The following FBXO42 variants were observed in gnomAD, a reference collection of about 807,000 sequenced individuals.
The protein encoded by FBXO42 is F-box only protein 42.
In FBXO42, 12 loss-of-function variants were observed where a neutral mutation model predicts 71.7. That is an observed-to-expected ratio of 0.17 (90% CI 0.11 to 0.27). The LOEUF (loss-of-function observed/expected upper bound fraction) is 0.27, where lower values mean the gene tolerates loss of function less well. FBXO42 is among the 10% of genes least tolerant of loss of function. FBXO42 has a pLI of 1.00. For synonymous variants in FBXO42, 325 were observed against 327.5 expected (o/e 0.99, Z 0.08); for missense variants, 707 against 911.9 (o/e 0.78, Z 2.89).
chr1:16,320,530 G>T (rs1240707012), intron 1 of FBXO42, among the ~76,000 whole-genome samples: 3 of 151,532 alleles, frequency 2.0e-5, no homozygotes, highest in Non-Finnish European at 4.4e-5. Flanking sequence ...TTGAGATAGG[G>T]TCTCACTCTG....
intron 3 of FBXO42, among the ~76,000 whole-genome samples, chr1:16,304,941 C>T (rs1167013585): frequency 2.0e-5 from 3 of 151,950 alleles, no homozygotes; most frequent in African/African-American, 4.8e-5. Context: ...TGCAATCCAC[C>T]CTGGGCAACA....
At chr1:16,270,751 T>TACACAC (rs58610558) in intron 4 of FBXO42, among the ~76,000 whole-genome samples, 1,664 of 110,964 alleles carry the variant, frequency 0.015, 14 homozygotes, top group Middle Eastern at 0.061. Context: ...TACCATGAGA[T>TACACAC]ACACACACAC....
chr1:16,323,644 G>A (rs554208481), intron 1 of FBXO42, among the ~76,000 whole-genome samples: 1 of 151,490 alleles, frequency 6.6e-6, no homozygotes, highest in South Asian at 2.1e-4. Context: ...ACAAAAATTA[G>A]CCAGGCGTGG....
rs2081539470 is a variant in FBXO42 at position 16,246,870 on chromosome 1, T to C, written c.*3800A>G. ...ACAATTGTCCATTTTATTTGTTAAA[T>C]TGCTAAAAAGTCATCAGGGGAAAAC... On this transcript the variant is annotated 3_prime_UTR_variant, in exon 10 of 10. Coordinates refer to ENST00000375592, the MANE Select transcript of FBXO42 (RefSeq NM_018994.3). The C allele has an allele frequency of 6.6e-6, 1 of 152,186 alleles. No individual in the cohort carries two copies. Among genetic ancestry groups the C allele is most frequent in the African/African-American group, 2.4e-5 (1 of 41,438 alleles). The allele number at this position is 152,186 out of a possible 1,614,324, so 9.4% of individuals were successfully genotyped here.
intron 3 of FBXO42, among the ~76,000 whole-genome samples, chr1:16,304,036 C>G (rs2082224505): frequency 6.6e-6 from 1 of 152,136 alleles, no homozygotes; most frequent in African/African-American, 2.4e-5. Flanking sequence ...AACTCCTGAC[C>G]TCAGGTGATC....
chr1:16,262,681 G>A (rs1012821939), intron 4 of FBXO42, among the ~76,000 whole-genome samples: 3 of 152,100 alleles, frequency 2.0e-5, no homozygotes, highest in Non-Finnish European at 4.4e-5. Flanking sequence ...GAGATTACGC[G>A]GATCCATCAA....
intron 1 of FBXO42, among the ~76,000 whole-genome samples, chr1:16,350,944 A>T (rs1021095526): frequency 6.6e-6 from 1 of 152,184 alleles, no homozygotes; most frequent in Non-Finnish European, 1.5e-5. Context: ...AAATGACAAC[A>T]TACAATAGAA....
At chr1:16,330,510 C>CA (rs1197392728) in intron 1 of FBXO42, among the ~76,000 whole-genome samples, 1 of 151,648 alleles carries the variant, frequency 6.6e-6, no homozygotes, top group Non-Finnish European at 1.5e-5. Context: ...CTGTCCCCCA[C>CA]AAAAATTAAT....
intron 1 of FBXO42, among the ~76,000 whole-genome samples, chr1:16,327,070 C>A (rs868228358): frequency 1.3e-5 from 2 of 152,148 alleles, no homozygotes; most frequent in African/African-American, 4.8e-5. Context: ...GTGTACACTA[C>A]TTGAGAGCAG....
At chr1:16,330,801 G>A (rs183911044) in intron 1 of FBXO42, among the ~76,000 whole-genome samples, 25 of 152,122 alleles carry the variant, frequency 1.6e-4, no homozygotes, top group Non-Finnish European at 2.2e-4. Flanking sequence ...AATTAGCTGG[G>A]CATGGTGGTG....
chr1:16,257,767 A>G (rs1351841628), intron 4 of FBXO42, among the ~76,000 whole-genome samples: 2 of 151,760 alleles, frequency 1.3e-5, no homozygotes, highest in Non-Finnish European at 2.9e-5. Flanking sequence ...TGCAACCTCC[A>G]CCTCCTGGGT....
In FBXO42 at chr1:16,279,138, T is replaced by A. The variant is rs541020444; in HGVS notation, c.502+15645A>T. On this transcript the variant is annotated intron_variant, in intron 4 of 9. Transcript: ENST00000375592. ...GCTCCCTATCCAATTTTTAAGGATA[T>A]CCTGTGGTCTTCCTACTGACATGTG... 1.1e-4 allele frequency among the ~76,000 whole-genome samples: 17 copies of A among 152,330 alleles called. No homozygotes were observed. In the East Asian group the frequency reaches 2.9e-3, roughly 26 times the overall value.
intron 4 of FBXO42, among the ~76,000 whole-genome samples, chr1:16,276,106 G>A (rs1354836204): frequency 6.6e-6 from 1 of 152,108 alleles, no homozygotes; most frequent in African/African-American, 2.4e-5. Flanking sequence ...ACTTGGCAGG[G>A]TGCGGTGGCT....
chr1:16,297,690 A>T (rs943368949), intron 3 of FBXO42, among the ~76,000 whole-genome samples: 1 of 149,114 alleles, frequency 6.7e-6, no homozygotes. Context: ...TGGAAACCCC[A>T]TCTCTACTAA....
At chr1:16,326,341 C>T (rs950497858) in intron 1 of FBXO42, among the ~76,000 whole-genome samples, 1 of 151,422 alleles carries the variant, frequency 6.6e-6, no homozygotes, top group African/African-American at 2.4e-5. Flanking sequence ...CAGGCATGAG[C>T]CACCGTGCCC....
chr1:16,295,401 C>A (rs1410249275), intron 3 of FBXO42, among the ~76,000 whole-genome samples: 2 of 150,192 alleles, frequency 1.3e-5, no homozygotes, highest in African/African-American at 4.9e-5. Context: ...TTCTTTCTTT[C>A]TTTTTTTGAG....
intron 4 of FBXO42, among the ~76,000 whole-genome samples, chr1:16,281,317 T>C (rs185176574): frequency 4.1e-4 from 63 of 152,252 alleles, no homozygotes; most frequent in African/African-American, 1.4e-3. Flanking sequence ...ATTGAGTTGA[T>C]ATGAAGGTTA....
At position 16,252,481 on chromosome 1, in the gene FBXO42, C is replaced by A; in HGVS notation, c.922-77G>T. The A allele has an allele frequency of 8.9e-7, 1 of 1,122,472 alleles. No homozygotes were observed. Among genetic ancestry groups the A allele is most frequent in the South Asian group, 1.3e-5 (1 of 79,480 alleles). 69.5% of individuals were successfully genotyped at this position (1,122,472 alleles called of 1,614,324 possible). A position where few individuals can be genotyped will look rare whatever the true frequency, so the allele number is the denominator to read the frequency against. On this transcript the variant is annotated intron_variant, in intron 8 of 9. Transcript: ENST00000375592. This position sits in a 1 kb window ranked among gnomAD's most constrained non-coding sequence, Gnocchi z 4.4. The stretch of plus-strand genomic sequence containing the variant: ...ACACACACACACAGAGTTGCAGTCT[C>A]AAAGCTCTCCTGTCTGGTCTTGAAA...
chr1:16,279,908 G>A (rs1009142109), intron 4 of FBXO42, among the ~76,000 whole-genome samples: 7 of 149,194 alleles, frequency 4.7e-5, no homozygotes, highest in Admixed American at 2.0e-4. Context: ...GGGCAGTGGT[G>A]CAATCTTGGC....
Sources: allele counts gnomAD v4.1 joint callset (sites outside exome capture counted in the v4.1 genomes callset), GRCh38; gene constraint gnomAD v4.1.1; non-coding constraint Gnocchi (gnomAD v3.1); transcripts MANE v1.5; gene names NCBI Gene and HGNC (gene_info 2026-07-23, HGNC 2026-07-21).